The following EHMT2 variants were observed in gnomAD, a reference collection of about 807,000 sequenced individuals.
The protein encoded by EHMT2 is euchromatic histone lysine methyltransferase 2, also known as histone-lysine N-methyltransferase EHMT2.
EHMT2 carries 59 observed loss-of-function variants against 143.3 expected under a neutral mutation model. That is an observed-to-expected ratio of 0.41 (90% CI 0.33 to 0.51). The LOEUF (loss-of-function observed/expected upper bound fraction) is 0.51, where lower values mean the gene tolerates loss of function less well. Among genes scored for constraint, EHMT2 ranks in the 20% least tolerant of loss-of-function variants. The pLI, the probability that EHMT2 is intolerant of heterozygous loss-of-function variation, is 0.18. For missense variants in EHMT2, 1,174 were observed against 1,645.9 expected (o/e 0.71, Z 4.96); for synonymous variants, 604 against 651.5 (o/e 0.93, Z 1.11).
chr6:31,893,316 A>C, intron 4 of EHMT2: 1 of 439,936 alleles, frequency 2.3e-6, no homozygotes, highest in Non-Finnish European at 4.5e-6. Flanking sequence ...CAGCCATAAA[A>C]AGGAAAGATA....
At position 31,889,393 on chromosome 6, in the gene EHMT2, C is replaced by G; in HGVS notation, c.1000-51G>C. On this transcript the variant is annotated intron_variant, in intron 8 of 27. Transcript: ENST00000375537. The surrounding 1 kb of genome is among the most constrained non-coding windows in gnomAD (Gnocchi z 5.1). ...AGGAACCCTCACCCCCAGGGGCCCC[C>G]CCAACACCTTCAGGACCAGACCTCC... is the stretch of plus-strand genomic sequence containing the variant. The G allele has an allele frequency of 6.2e-7, 1 of 1,608,846 alleles. No individual in the cohort carries two copies. Among genetic ancestry groups the G allele is most frequent in the Non-Finnish European group, 8.5e-7 (1 of 1,178,076 alleles).
chr6:31,886,838 C>T (rs2151617852), exon 17 of EHMT2: 1 of 1,614,230 alleles, frequency 6.2e-7, no homozygotes, highest in Non-Finnish European at 8.5e-7. Context: ...GGTTGTTCAC[C>T]ACGGCCTCCA....
chr6:31,889,800 C>G lies in EHMT2; in HGVS notation c.865-198G>C. ...TACACAGCAGTGAAAAAGTTACAGA[C>G]AGCAATGTGCACAGATCTTGGTAAT... On this transcript the variant is annotated intron_variant, in intron 7 of 27. Coordinates refer to ENST00000375537, the Ensembl canonical transcript of EHMT2. The surrounding 1 kb of genome is among the most constrained non-coding windows in gnomAD (Gnocchi z 5.1). Among the ~76,000 whole-genome samples the G allele has an allele frequency of 6.6e-6, 1 of 152,144 alleles. No individual in the cohort carries two copies. The highest frequency in any genetic ancestry group is 1.9e-4 in the East Asian group (1 of 5,200).
chr6:31,887,593 C>G, exon 15 of EHMT2: 1 of 1,613,082 alleles, frequency 6.2e-7, no homozygotes, highest in Non-Finnish European at 8.5e-7. Context: ...TCAGGATCAC[C>G]TTCTGCAGCT....
intron 1 of EHMT2, 152 bp from the exon 2 acceptor site, chr6:31,897,141 G>C (rs760363311): frequency 7.3e-7 from 1 of 1,378,508 alleles, no homozygotes; most frequent in Non-Finnish European, 9.4e-7. Flanking sequence ...GCTGCCCGGA[G>C]GGGCCGCACG....
At chr6:31,893,365 G>A (rs753424997) in intron 4 of EHMT2, 4 of 447,936 alleles carry the variant, frequency 8.9e-6, no homozygotes, top group Admixed American at 7.2e-5. Flanking sequence ...CTGTTACCCA[G>A]GATGGAGTGC....
At chr6:31,879,996 C>T in exon 28 of EHMT2, 1 of 1,455,188 alleles carries the variant, frequency 6.9e-7, no homozygotes, top group Non-Finnish European at 9.4e-7. Flanking sequence ...ATGGCAGCAC[C>T]CCCAGGCATG....
intron 4 of EHMT2, among the ~76,000 whole-genome samples, chr6:31,894,273 A>T (rs1766072698): frequency 6.6e-6 from 1 of 152,036 alleles, no homozygotes; most frequent in Non-Finnish European, 1.5e-5. Context: ...CAGCCTCCCA[A>T]GTAGCGGACT....
rs556346012 is a variant in EHMT2, at chr6:31,887,932, C to T, written c.1775G>A (p.Arg592Gln). ...AGCCAGGGGATCGCAGGGCGGGCGCCGGGGTTCCCCATGCCCTCGCATCCG... is the reference window on the plus strand; with the variant it reads ...AGCCAGGGGATCGCAGGGCGGGCGCTGGGGTTCCCCATGCCCTCGCATCCG... Residue 592 changes from arginine to glutamine, a missense_variant, in exon 14 of 28, where the codon CGG (arginine) becomes CAG (glutamine). This residue lies in a region of EHMT2 where 608 missense variants were observed against 903.7 expected (regional missense o/e 0.67). Coordinates refer to ENST00000375537, the Ensembl canonical transcript of EHMT2. The T allele has an allele frequency of 1.1e-5, 18 of 1,600,436 alleles. No individual in the cohort carries two copies. The Admixed American group carries it at 1.9e-4, about 17-fold the overall frequency.
Position 31,888,852 on chromosome 6 carries a change from G to A in EHMT2, c.1217-105C>T, listed in dbSNP as rs1581924466. 1 of 1,499,510 alleles carries A rather than the reference G, an allele frequency of 6.7e-7. No individual in the cohort carries two copies. The highest frequency in any genetic ancestry group is 2.3e-5 in the East Asian group (1 of 42,954). The allele number at this position is 1,499,510 out of a possible 1,614,324, so 92.9% of individuals were successfully genotyped here. On this transcript the variant is annotated intron_variant, in intron 10 of 27. Coordinates refer to ENST00000375537, the Ensembl canonical transcript of EHMT2. The surrounding 1 kb of genome is among the most constrained non-coding windows in gnomAD (Gnocchi z 7.4). ...CCCTACCCCACCCCGCCATGCCCCA[G>A]AACCCCTAAAGCCTGGCCATGGACA...
In EHMT2 at chr6:31,888,067, G is replaced by A. The variant is rs373435582; in HGVS notation, c.1719C>T (p.Pro573=). The A allele has an allele frequency of 2.6e-4, 414 of 1,598,032 alleles. No individual in the cohort carries two copies. In the African/African-American group the frequency reaches 4.9e-3, roughly 19 times the overall value. The change falls in exon 13 of 28, where the codon CCC becomes CCT. Residue 573 remains proline (P), a synonymous_variant. Coordinates refer to ENST00000375537, the Ensembl canonical transcript of EHMT2. The surrounding 1 kb of genome is among the most constrained non-coding windows in gnomAD (Gnocchi z 7.4). The stretch of plus-strand genomic sequence containing the variant: ...TGGGCTGAGAAGTGTCTGCTCTCCC[G>A]GGGACATCCTGGGACAGGGGTGGGG...
At chr6:31,893,596 G>C (rs896599870) in intron 4 of EHMT2, 13 of 260,848 alleles carry the variant, frequency 5.0e-5, no homozygotes, top group African/African-American at 4.5e-5. Context: ...GATTACAGGC[G>C]TGAGTCACTG....
rs568744474 is a variant in EHMT2 at position 31,896,330 on chromosome 6, G to A, written c.515C>T (p.Thr172Met). 7 of 1,612,962 alleles carry A rather than the reference G, an allele frequency of 4.3e-6. No homozygotes were observed. The East Asian group carries it at 8.9e-5, about 21-fold the overall frequency. The change falls in exon 4 of 28, where the codon ACG becomes ATG. Residue 172 changes from threonine (T) to methionine (M), a missense_variant. Coordinates refer to ENST00000375537, the Ensembl canonical transcript of EHMT2. Reference sequence around the variant, plus strand: ...GACCTTGGGCTGTCCCTCTGGGCTCGTGGTGGCTGGAGGGGGTTCAGACCC... The same window carrying A: ...GACCTTGGGCTGTCCCTCTGGGCTCATGGTGGCTGGAGGGGGTTCAGACCC...
Position 31,880,342 on chromosome 6 carries a change from C to A in EHMT2, c.3453-78G>T. ...CACCCCGAAGACCCTGTGGATCCTG[C>A]TCCCTGAGAGGGACCCGACACCCAA... On this transcript the variant is annotated intron_variant, in intron 27 of 27. Coordinates refer to ENST00000375537, the Ensembl canonical transcript of EHMT2. The surrounding 1 kb of genome is among the most constrained non-coding windows in gnomAD (Gnocchi z 6.6). 6.5e-7 allele frequency: 1 copy of A among 1,528,402 alleles called. No individual in the cohort carries two copies. Among genetic ancestry groups the A allele is most frequent in the South Asian group, 1.2e-5 (1 of 83,688 alleles). The allele number at this position is 1,528,402 out of a possible 1,614,324, so 94.7% of individuals were successfully genotyped here.
chr6:31,886,254 G>T, intron 18 of EHMT2: 1 of 338,858 alleles, frequency 3.0e-6, no homozygotes, highest in Non-Finnish European at 5.4e-6. Context: ...GCTTCTTCTG[G>T]ACAATGATGG....
chr6:31,889,570 A>T lies in EHMT2; in HGVS notation c.897T>A (p.Ser299Arg). The change falls in exon 8 of 28, where the codon AGT becomes AGA. Residue 299 changes from serine (S) to arginine (R), a missense_variant. Coordinates refer to ENST00000375537, the Ensembl canonical transcript of EHMT2. The surrounding 1 kb of genome is among the most constrained non-coding windows in gnomAD (Gnocchi z 5.1). ...CCTCCTCTTCCTCCTCCTCCTCTTC[A>T]CTTAGTTGTTCAGTTAGAGCTTCAA... 6.2e-7 allele frequency: 1 copy of T among 1,608,664 alleles called. No homozygotes were observed. Among genetic ancestry groups the T allele is most frequent in the Non-Finnish European group, 8.5e-7 (1 of 1,179,342 alleles).
rs779562061 is a variant in EHMT2, at chr6:31,883,825, C to A, written c.2897G>T (p.Arg966Leu). 3.7e-6 allele frequency: 6 copies of A among 1,613,880 alleles called. No individual in the cohort carries two copies. The Admixed American group carries it at 1.0e-4, about 27-fold the overall frequency. ...ACTCACCTGCAGGTGGGTGATGTTG[C>A]GATCGATGTTCATGGTGGACGTCTC... The change falls in exon 22 of 28, where the codon CGC becomes CTC. Residue 966 changes from arginine (R) to leucine (L), a missense_variant. By Grantham distance (102) the Arg-to-Leu change is moderately radical (BLOSUM62 -2). Transcript: ENST00000375537. The surrounding 1 kb of genome is among the most constrained non-coding windows in gnomAD (Gnocchi z 5.6).
rs777291951 is a variant in EHMT2, at chr6:31,892,435, A to G, written c.836T>C (p.Val279Ala). 11 of 1,613,040 alleles carry G rather than the reference A, an allele frequency of 6.8e-6. No individual in the cohort carries two copies. The South Asian group carries it at 1.1e-4, about 16-fold the overall frequency. The stretch of plus-strand genomic sequence containing the variant: ...GCTGTCGGAGTCCACGCGCTCATCC[A>G]CAGAGTAGGAATCATAGTAGAGACT... The change falls in exon 7 of 28, where the codon GTG (valine) becomes GCG (alanine). Residue 279 changes from valine (V) to alanine (A), a missense_variant. Physicochemically the swap from Val to Ala is moderately conservative, Grantham distance 64. Around this residue, in one of 6 missense-constraint regions of EHMT2, gnomAD observed 399 missense variants for 404.4 expected, o/e 0.99. Coordinates refer to ENST00000375537, the Ensembl canonical transcript of EHMT2.
chr6:31,891,426 T>C (rs1284106827), intron 7 of EHMT2, among the ~76,000 whole-genome samples: 1 of 152,240 alleles, frequency 6.6e-6, no homozygotes, highest in Non-Finnish European at 1.5e-5. Flanking sequence ...AAAGAGGCCT[T>C]ATATTTACAA....
Sources: gnomAD v4.1 joint callset for allele counts (sites outside exome capture counted in the v4.1 genomes callset) on GRCh38, gnomAD v4.1.1 for gene constraint, gnomAD v4.1.1 regional missense constraint, Gnocchi (gnomAD v3.1) non-coding constraint, MANE v1.5 for transcripts, NCBI Gene and HGNC (gene_info 2026-07-23, HGNC 2026-07-21) for gene names.